Variants in VPS13B observed in about 807,000 individuals in gnomAD.
VPS13B encodes intermembrane lipid transfer protein VPS13B.
In VPS13B, 285 loss-of-function variants were observed where a neutral mutation model predicts 426.4. The ratio of observed to expected loss-of-function variants is 0.67; its 90% CI spans 0.61 to 0.74. VPS13B has a LOEUF of 0.74. Ranked by LOEUF, VPS13B falls within the 30% of genes least tolerant of loss-of-function variation. The pLI, the probability that VPS13B is intolerant of heterozygous loss-of-function variation, is 0.00. For synonymous variants in VPS13B, 1,676 were observed against 1,676.4 expected, an observed-to-expected ratio of 1.00 and a Z score of 0.01; for missense variants, 4,537 against 4,782.6, an observed-to-expected ratio of 0.95 and a Z score of 1.51.
At chr8:99,049,861 A>C (rs1458352950) in intron 3 of VPS13B, among the ~76,000 whole-genome samples, 2 of 151,286 alleles carry the variant, frequency 1.3e-5, no homozygotes, top group Non-Finnish European at 2.9e-5. Flanking sequence ...CTTTGTTCAT[A>C]TTTTCTTATT....
chr8:99,024,476 T>C (rs1049613363), intron 2 of VPS13B, among the ~76,000 whole-genome samples: 1 of 152,264 alleles, frequency 6.6e-6, no homozygotes, highest in African/African-American at 2.4e-5. Flanking sequence ...TTGATTTTTG[T>C]ATATGGTGAG....
intron 20 of VPS13B, among the ~76,000 whole-genome samples, chr8:99,387,127 CA>C (rs1425338467): frequency 6.6e-6 from 1 of 152,108 alleles, no homozygotes; most frequent in Non-Finnish European, 1.5e-5. Context: ...TAGCACTAGG[CA>C]AGTATTTTGC....
chr8:99,717,368 C>T lies in VPS13B; in HGVS notation c.6652C>T (p.Leu2218=), dbSNP rs559107679. ...ATCCATTGACTTAAGAGGAGGTCTA[C>T]TACAGGTCTGTGGGTATTGGCCATA... is the stretch of plus-strand genomic sequence containing the variant. The part of the protein sequence containing the change: ...KISIDLRGGL[L]QVFWGQEHLN... The change falls in exon 37 of 62, where the codon CTA becomes TTA. Residue 2218 remains leucine (L), a synonymous_variant. Transcript: ENST00000357162. 6.2e-7 allele frequency: 1 copy of T among 1,613,608 alleles called. No individual in the cohort carries two copies. The highest frequency in any genetic ancestry group is 2.2e-5 in the East Asian group (1 of 44,880).
intron 28 of VPS13B, among the ~76,000 whole-genome samples, chr8:99,509,202 C>T (rs1821654686): frequency 6.6e-6 from 1 of 152,118 alleles, no homozygotes; most frequent in African/African-American, 2.4e-5. Flanking sequence ...TGTTATTGCT[C>T]ATTGTCCAGC....
At position 99,876,614 on chromosome 8, in the gene VPS13B, ATTGAC is replaced by A. The variant is rs1228024936; in HGVS notation, c.*954_*958del. ...CAGTCCATTTTGTTTATTCTGTGGA[ATTGAC>A]TTGACAAAGCATGAAGATATTCCCA... On this transcript the variant is annotated 3_prime_UTR_variant, in exon 62 of 62. Transcript: ENST00000357162. 6.6e-6 allele frequency: 1 copy of A among 152,196 alleles called. No homozygotes were observed. Among genetic ancestry groups the A allele is most frequent in the Non-Finnish European group, 1.5e-5 (1 of 68,024 alleles). 9.4% of individuals were successfully genotyped at this position (152,196 alleles called of 1,614,324 possible). A position where few individuals can be genotyped will look rare whatever the true frequency, so the allele number is the denominator to read the frequency against.
chr8:99,036,388 G>A (rs898499753), intron 2 of VPS13B, among the ~76,000 whole-genome samples: 1 of 152,080 alleles, frequency 6.6e-6, no homozygotes, highest in Non-Finnish European at 1.5e-5. Flanking sequence ...TTTTTAAGTT[G>A]TAGACATATA....
At chr8:99,203,643 C>T (rs905198426) in intron 17 of VPS13B, among the ~76,000 whole-genome samples, 4 of 152,188 alleles carry the variant, frequency 2.6e-5, no homozygotes, top group Non-Finnish European at 5.9e-5. Context: ...TCTCCTTAAG[C>T]TGATAAGCAA....
At chr8:99,754,889 A>G (rs948973602) in intron 39 of VPS13B, among the ~76,000 whole-genome samples, 1 of 152,104 alleles carries the variant, frequency 6.6e-6, no homozygotes, top group African/African-American at 2.4e-5. Context: ...CCCAACCCCC[A>G]TGCCCCCACT....
At chr8:99,816,092 T>C (rs1814017154) in intron 44 of VPS13B, among the ~76,000 whole-genome samples, 1 of 151,430 alleles carries the variant, frequency 6.6e-6, no homozygotes, top group African/African-American at 2.4e-5. Flanking sequence ...CCCATTTGTT[T>C]TCTCTCTCTC....
At chr8:99,589,797 T>C (rs183368687) in intron 33 of VPS13B, among the ~76,000 whole-genome samples, 1 of 152,318 alleles carries the variant, frequency 6.6e-6, no homozygotes, top group East Asian at 1.9e-4. Flanking sequence ...TCTAATATTC[T>C]CTTTTTTTAT....
chr8:99,346,062 G>C (rs971263963), intron 19 of VPS13B: 6 of 152,530 alleles, frequency 3.9e-5, no homozygotes, highest in African/African-American at 1.4e-4. Context: ...TTAGAGCTCA[G>C]TACTATAGCT....
At chr8:99,174,380 A>G (rs898707252) in intron 16 of VPS13B, among the ~76,000 whole-genome samples, 1 of 152,148 alleles carries the variant, frequency 6.6e-6, no homozygotes, top group Non-Finnish European at 1.5e-5. Context: ...TCTGTTTTTG[A>G]GAGCTGCCAT....
intron 35 of VPS13B, among the ~76,000 whole-genome samples, chr8:99,676,974 G>A (rs545967379): frequency 6.6e-6 from 1 of 152,082 alleles, no homozygotes. Context: ...TACTAAAATG[G>A]ACGTGATGGT....
At chr8:99,431,785 T>C in intron 22 of VPS13B, 121 bp downstream of exon 22, 2 of 1,062,148 alleles carry the variant, frequency 1.9e-6, no homozygotes, top group Non-Finnish European at 2.7e-6. Flanking sequence ...TCTCATTTTC[T>C]TAATTTAGTT....
chr8:99,845,118 C>T (rs760178706), intron 54 of VPS13B, among the ~76,000 whole-genome samples: 1 of 152,180 alleles, frequency 6.6e-6, no homozygotes, highest in Non-Finnish European at 1.5e-5. Flanking sequence ...TACTGTCTGA[C>T]CATTAAGCCA....
chr8:99,670,288 A>C (rs904367102), intron 35 of VPS13B, among the ~76,000 whole-genome samples: 1 of 152,038 alleles, frequency 6.6e-6, no homozygotes, highest in African/African-American at 2.4e-5. Context: ...TAATCTTTAA[A>C]ATTTTTTTCA....
Position 99,521,102 on chromosome 8 carries a change from T to C in VPS13B, c.4745+92T>C, listed in dbSNP as rs1822360940. 4 of 1,049,606 alleles carry C rather than the reference T, an allele frequency of 3.8e-6. No individual in the cohort carries two copies. The South Asian group carries it at 4.0e-5, about 10-fold the overall frequency. 65.0% of individuals were successfully genotyped at this position (1,049,606 alleles called of 1,614,324 possible). On this transcript the variant is annotated intron_variant, in intron 30 of 61. Coordinates refer to ENST00000357162, the MANE Select transcript of VPS13B (RefSeq NM_152564.5). ...TAACTTAGTGTGGCCTGTAGAAATA[T>C]TTCTCATTCAGGATCTTTTGATATT... is the stretch of plus-strand genomic sequence containing the variant.
At chr8:99,478,461 T>TTTG (rs796682689) in intron 24 of VPS13B, among the ~76,000 whole-genome samples, 2 of 122,950 alleles carry the variant, frequency 1.6e-5, no homozygotes, top group South Asian at 2.4e-4. Flanking sequence ...TTTTTTTTTT[T>TTTG]TTTTGTTTTT....
intron 14 of VPS13B, among the ~76,000 whole-genome samples, chr8:99,156,043 A>G (rs146728612): frequency 2.6e-5 from 4 of 151,890 alleles, no homozygotes; most frequent in Non-Finnish European, 4.4e-5. Flanking sequence ...AGCCCTTAAC[A>G]TGTGTATTGT....
Sources: allele counts gnomAD v4.1 joint callset (sites outside exome capture counted in the v4.1 genomes callset), GRCh38; gene constraint gnomAD v4.1.1; transcripts MANE v1.5; gene names NCBI Gene and HGNC (gene_info 2026-07-23, HGNC 2026-07-21).